Variants in NOVA2 observed in about 807,000 individuals in gnomAD.
The protein encoded by NOVA2 is RNA-binding protein Nova-2.
A neutral mutation model predicts 22.5 loss-of-function variants in NOVA2; 9 were observed. That is an observed-to-expected ratio of 0.40 (90% CI 0.24 to 0.70). NOVA2 has a LOEUF of 0.70. NOVA2 is among the 30% of genes least tolerant of loss of function. The pLI, the probability that NOVA2 is intolerant of heterozygous loss-of-function variation, is 0.38. For missense variants in NOVA2, 383 were observed against 682.8 expected (o/e 0.56, Z 4.89); for synonymous variants, 318 against 335.2 (o/e 0.95, Z 0.56).
intron 1 of NOVA2, 123 bp from the exon 2 acceptor site, chr19:45,961,276 T>C: frequency 1.6e-6 from 1 of 625,572 alleles, no homozygotes. Flanking sequence ...AATAATGATC[T>C]TCATTCACTC....
intron 3 of NOVA2, among the ~76,000 whole-genome samples, chr19:45,941,992 C>T (rs1390544495): frequency 6.6e-6 from 1 of 152,158 alleles, no homozygotes; most frequent in Non-Finnish European, 1.5e-5. Flanking sequence ...CTGGAAAAGC[C>T]TTCATTAAGC....
intron 3 of NOVA2, among the ~76,000 whole-genome samples, chr19:45,943,275 C>T (rs986505210): frequency 6.6e-6 from 1 of 151,442 alleles, no homozygotes; most frequent in East Asian, 2.0e-4. Context: ...AGGCCAGTCT[C>T]GAACTCCTGG....
At chr19:45,943,275 C>G (rs986505210) in intron 3 of NOVA2, among the ~76,000 whole-genome samples, 1 of 151,442 alleles carries the variant, frequency 6.6e-6, no homozygotes, top group African/African-American at 2.4e-5. Context: ...AGGCCAGTCT[C>G]GAACTCCTGG....
intron 2 of NOVA2, among the ~76,000 whole-genome samples, chr19:45,959,828 G>C (rs1230808274): frequency 1.3e-5 from 2 of 150,822 alleles, no homozygotes; most frequent in African/African-American, 4.9e-5. Context: ...GAGGGAGAGA[G>C]AGAGAGAGAG....
chr19:45,970,550 A>G (rs1968220373), intron 1 of NOVA2, among the ~76,000 whole-genome samples: 1 of 151,740 alleles, frequency 6.6e-6, no homozygotes, highest in African/African-American at 2.4e-5. Flanking sequence ...TAATTTGTGT[A>G]TTTTTAGTAG....
In NOVA2 at chr19:45,940,535, G is replaced by A. The variant is rs779833285; in HGVS notation, c.807C>T (p.Pro269=). 2.0e-6 allele frequency: 3 copies of A among 1,500,764 alleles called. No homozygotes were observed. The highest frequency in any genetic ancestry group is 4.2e-5 in the Admixed American group (2 of 47,992). 93.0% of individuals were successfully genotyped at this position (1,500,764 alleles called of 1,614,324 possible). ...CCAGCAGGTCGGTGCCTGAGAAGGC[G>A]GGCAGCGCGGCGGGAAAGGCCCCCA... ...AGVGAFPAAL[P]AFSGTDLLAI... The change falls in exon 4 of 4, where the codon CCC becomes CCT. Residue 269 remains proline (P), a synonymous_variant. Coordinates refer to ENST00000263257, the MANE Select transcript of NOVA2 (RefSeq NM_002516.4).
rs1432987149 is a variant in NOVA2, at chr19:45,961,167, C to G, written c.86-14G>C. ...ATTCGCCTTCCTCTGCGGGGGCACA[C>G]AGGGTGGAGGGGAGTCAGCGGGGGA... On this transcript the variant is annotated splice_polypyrimidine_tract_variant and intron_variant, in intron 1 of 3. Coordinates refer to ENST00000263257, the MANE Select transcript of NOVA2 (RefSeq NM_002516.4). 4.4e-6 allele frequency: 7 copies of G among 1,595,022 alleles called. No homozygotes were observed. Among genetic ancestry groups the G allele is most frequent in the Non-Finnish European group, 6.0e-6 (7 of 1,171,210 alleles).
chr19:45,969,582 G>A (rs531498191), intron 1 of NOVA2, among the ~76,000 whole-genome samples: 2 of 151,268 alleles, frequency 1.3e-5, no homozygotes, highest in African/African-American at 2.4e-5. Flanking sequence ...GCTACGTTGA[G>A]GGTGTGAGAT....
At position 45,940,891 on chromosome 19, in the gene NOVA2, C is replaced by T. The variant is rs1469515532; in HGVS notation, c.451G>A (p.Ala151Thr). Reference protein sequence around the residue: ...TAGLIIGKGGATVKAVMEQSG... With the variant: ...TAGLIIGKGGTTVKAVMEQSG... ...TGTTCCATCACGGCTTTCACCGTGG[C>T]GCCTCCCTTGCCGATGATCAGGCCC... The change falls in exon 4 of 4, where the codon GCC becomes ACC. Residue 151 changes from alanine (A) to threonine (T), a missense_variant. Coordinates refer to ENST00000263257, the MANE Select transcript of NOVA2 (RefSeq NM_002516.4). 2 of 1,605,400 alleles carry T rather than the reference C, an allele frequency of 1.2e-6. No homozygotes were observed. The highest frequency in any genetic ancestry group is 8.5e-7 in the Non-Finnish European group (1 of 1,179,892).
chr19:45,951,330 C>T (rs1186529368), intron 3 of NOVA2, among the ~76,000 whole-genome samples: 1 of 151,656 alleles, frequency 6.6e-6, no homozygotes, highest in African/African-American at 2.4e-5. Context: ...CAAAAATTAG[C>T]CAGGGGCCGG....
chr19:45,952,221 C>T (rs1967936860), intron 3 of NOVA2, among the ~76,000 whole-genome samples: 2 of 152,194 alleles, frequency 1.3e-5, no homozygotes, highest in East Asian at 3.8e-4. Flanking sequence ...ATGCATTATA[C>T]ACATAAGCTA....
chr19:45,972,816 A>G (rs1410934761), intron 1 of NOVA2, among the ~76,000 whole-genome samples: 2 of 152,026 alleles, frequency 1.3e-5, no homozygotes, highest in African/African-American at 4.8e-5. Context: ...ACAAGCCTCC[A>G]TCTGGGACAA....
chr19:45,936,242 T>C lies in NOVA2; in HGVS notation c.*3621A>G, dbSNP rs777711772. On this transcript the variant is annotated 3_prime_UTR_variant, in exon 4 of 4. Transcript: ENST00000263257. ...GCTAGCAGAGGAGGAGTTGAGCTTG[T>C]CTCCTCCTCCCCAGTTTCCATAGAT... 4.6e-5 allele frequency: 7 copies of C among 152,146 alleles called. No homozygotes were observed. Among genetic ancestry groups the C allele is most frequent in the Non-Finnish European group, 1.0e-4 (7 of 68,010 alleles). 9.4% of individuals were successfully genotyped at this position (152,146 alleles called of 1,614,324 possible).
intron 1 of NOVA2, among the ~76,000 whole-genome samples, chr19:45,966,491 C>A (rs1169286425): frequency 6.6e-6 from 1 of 150,558 alleles, no homozygotes; most frequent in Non-Finnish European, 1.5e-5. Context: ...TGGTCTTGAA[C>A]TCCTGGGCTC....
intron 3 of NOVA2, among the ~76,000 whole-genome samples, chr19:45,945,617 C>A (rs1436787995): frequency 1.3e-5 from 2 of 151,846 alleles, no homozygotes; most frequent in Non-Finnish European, 2.9e-5. Flanking sequence ...GAGCCGTGTA[C>A]CTTAAAAGGG....
At chr19:45,959,670 G>A (rs1250130984) in intron 2 of NOVA2, among the ~76,000 whole-genome samples, 1 of 151,680 alleles carries the variant, frequency 6.6e-6, no homozygotes, top group East Asian at 1.9e-4. Flanking sequence ...TAGTGAGATG[G>A]GAGGCTGGGG....
intron 3 of NOVA2, among the ~76,000 whole-genome samples, chr19:45,951,669 C>T (rs1967928169): frequency 6.6e-6 from 1 of 151,130 alleles, no homozygotes; most frequent in Non-Finnish European, 1.5e-5. Flanking sequence ...TGGTCGTGTT[C>T]ACCTGTAGTC....
chr19:45,953,680 C>T, intron 3 of NOVA2, 100 bp downstream of exon 3: 1 of 1,434,178 alleles, frequency 7.0e-7, no homozygotes, highest in Non-Finnish European at 9.7e-7. Flanking sequence ...TTTTTATCAG[C>T]TTTGTCCCAT....
chr19:45,948,427 G>A (rs1488265065), intron 3 of NOVA2, among the ~76,000 whole-genome samples: 3 of 151,760 alleles, frequency 2.0e-5, no homozygotes, highest in African/African-American at 4.8e-5. Flanking sequence ...GTGAAACCCC[G>A]TCTCTACTAA....
Sources: gnomAD v4.1 joint callset for allele counts (sites outside exome capture counted in the v4.1 genomes callset) on GRCh38, gnomAD v4.1.1 for gene constraint, MANE v1.5 for transcripts, NCBI Gene and HGNC (gene_info 2026-07-23, HGNC 2026-07-21) for gene names.